The following CAPZB variants were observed in gnomAD, a reference collection of about 807,000 sequenced individuals.
CAPZB encodes F-actin-capping protein subunit beta.
CAPZB carries 2 observed loss-of-function variants against 38.1 expected under a neutral mutation model. That is an observed-to-expected ratio of 0.05 (90% CI 0.02 to 0.17). The LOEUF is 0.17. CAPZB is among the 10% of genes least tolerant of loss of function. CAPZB has a pLI of 1.00. For synonymous variants in CAPZB, 107 were observed against 127.4 expected (o/e 0.84, Z 1.08); for missense variants, 161 against 334.2 (o/e 0.48, Z 4.04).
At chr1:19,375,309 G>A (rs932380724) in intron 4 of CAPZB, among the ~76,000 whole-genome samples, 2 of 152,212 alleles carry the variant, frequency 1.3e-5, no homozygotes, top group African/African-American at 2.4e-5. Context: ...AGCACACTCC[G>A]ATGGCACTGG....
chr1:19,339,603 A>T lies in CAPZB; in HGVS notation c.746T>A (p.Phe249Tyr), dbSNP rs189360219. ...IVNGLRSVQT[F>Y]ADKSKQEALK... ...AGCTTCTTGTTTTGATTTGTCTGCAAAAGTCTGCACAGACCTGCAAGGGAG... is the reference window on the plus strand; with the variant it reads ...AGCTTCTTGTTTTGATTTGTCTGCATAAGTCTGCACAGACCTGCAAGGGAG... Residue 249 changes from phenylalanine to tyrosine, a missense_variant, in exon 9 of 9, where the codon TTT (phenylalanine) becomes TAT (tyrosine). By Grantham distance (22) the Phe-to-Tyr change is conservative. Coordinates refer to ENST00000264202, the MANE Select transcript of CAPZB (RefSeq NM_004930.5). 2 of 1,613,828 alleles carry T rather than the reference A, an allele frequency of 1.2e-6. No homozygotes were observed.
intron 2 of CAPZB, among the ~76,000 whole-genome samples, chr1:19,412,017 C>T (rs1207120496): frequency 6.6e-6 from 1 of 152,232 alleles, no homozygotes; most frequent in Non-Finnish European, 1.5e-5. Flanking sequence ...TCAGTCCCCA[C>T]AGCTGCCGCC....
chr1:19,343,132 G>T lies in CAPZB; in HGVS notation c.731+1226C>A, dbSNP rs994172611. Among the ~76,000 whole-genome samples the T allele has an allele frequency of 3.3e-5, 5 of 152,316 alleles. No individual in the cohort carries two copies. The East Asian group carries it at 5.8e-4, about 18-fold the overall frequency. On this transcript the variant is annotated intron_variant, in intron 8 of 8. Coordinates refer to ENST00000264202, the MANE Select transcript of CAPZB (RefSeq NM_004930.5). ...CCAGCCACTGCCTGGGGACTGTGCA[G>T]GTTGGCTGGGCGGGAAAGTGTGTTT...
chr1:19,466,539 A>T lies in CAPZB; in HGVS notation c.3+18897T>A, dbSNP rs577457894. On this transcript the variant is annotated intron_variant, in intron 1 of 8. Transcript: ENST00000264202. ...ACTGAATGGCATCCTGCAGTCACTC[A>T]AAACGTGTGAGCCTGGAGGGACCCT... 3.9e-5 allele frequency among the ~76,000 whole-genome samples: 6 copies of T among 152,324 alleles called. No homozygotes were observed. In the South Asian group the frequency reaches 1.2e-3, roughly 32 times the overall value.
chr1:19,443,308 A>ATC (rs1383986450), intron 1 of CAPZB, among the ~76,000 whole-genome samples: 1 of 152,114 alleles, frequency 6.6e-6, no homozygotes, highest in East Asian at 1.9e-4. Flanking sequence ...AGGCAGAAGG[A>ATC]TCACCTGAGC....
chr1:19,405,687 G>C (rs534227691), intron 2 of CAPZB, among the ~76,000 whole-genome samples: 74 of 152,174 alleles, frequency 4.9e-4, no homozygotes, highest in Non-Finnish European at 7.9e-4. Flanking sequence ...ATATATTCCA[G>C]AAAGAGGGAG....
chr1:19,358,717 C>T (rs1033095386), intron 4 of CAPZB, among the ~76,000 whole-genome samples: 6 of 152,238 alleles, frequency 3.9e-5, no homozygotes, highest in African/African-American at 1.2e-4. Context: ...CCAATTAAGC[C>T]CCAAAGAGAG....
intron 1 of CAPZB, among the ~76,000 whole-genome samples, chr1:19,480,350 G>A (rs76179257): frequency 0.029 from 4,370 of 152,220 alleles, 83 homozygotes; most frequent in Non-Finnish European, 0.044. Context: ...ATCCTCATGC[G>A]ACGGAACAGG....
chr1:19,342,912 G>C, intron 8 of CAPZB: 1 of 1,154,490 alleles, frequency 8.7e-7, no homozygotes. Context: ...AGAGAACGAC[G>C]AGAAGCCAGG....
intron 6 of CAPZB, among the ~76,000 whole-genome samples, chr1:19,353,930 C>T (rs214340): frequency 0.28 from 42,309 of 152,168 alleles, 6,180 homozygotes; most frequent in South Asian, 0.32. Flanking sequence ...AGGTCCACTG[C>T]AGCTGCTCAT....
At chr1:19,353,806 G>A (rs1267709717) in intron 6 of CAPZB, among the ~76,000 whole-genome samples, 1 of 152,238 alleles carries the variant, frequency 6.6e-6, no homozygotes, top group Middle Eastern at 3.2e-3. Flanking sequence ...AGGCACACCT[G>A]CGGGAGGGGC....
At chr1:19,460,590 T>A (rs1282158573) in intron 1 of CAPZB, among the ~76,000 whole-genome samples, 1 of 147,290 alleles carries the variant, frequency 6.8e-6, no homozygotes, top group Non-Finnish European at 1.5e-5. Flanking sequence ...TTTTTTTTTT[T>A]TTTTTTTGTA....
intron 6 of CAPZB, among the ~76,000 whole-genome samples, chr1:19,348,129 A>G (rs1212370434): frequency 6.6e-6 from 1 of 152,218 alleles, no homozygotes; most frequent in Admixed American, 6.5e-5. Flanking sequence ...GATAAGGGGC[A>G]GCATTCCCAC....
Position 19,345,190 on chromosome 1 carries a change from T to C in CAPZB, c.651A>G (p.Val217=), listed in dbSNP as rs11555669. 6.2e-7 allele frequency: 1 copy of C among 1,613,676 alleles called. No homozygotes were observed. The highest frequency in any genetic ancestry group is 1.3e-5 in the African/African-American group (1 of 75,040). Reference sequence around the variant, plus strand: ...AGCCAGAGCCCAGGTCACTCACCTCTACCAGGCGCCCGATGTTGGCTATGT... The same window carrying C: ...AGCCAGAGCCCAGGTCACTCACCTCCACCAGGCGCCCGATGTTGGCTATGT... ...SPHIANIGRL[V]EDMENKIRST... is the part of the protein sequence containing the mutation. Residue 217 remains valine, a synonymous_variant, in exon 7 of 9, where the codon GTA becomes GTG. Coordinates refer to ENST00000264202, the MANE Select transcript of CAPZB (RefSeq NM_004930.5).
intron 1 of CAPZB, among the ~76,000 whole-genome samples, chr1:19,454,845 T>C (rs1433075106): frequency 6.6e-6 from 1 of 152,246 alleles, no homozygotes; most frequent in Non-Finnish European, 1.5e-5. Flanking sequence ...TACTGTTCCG[T>C]TCATCTAAAT....
intron 1 of CAPZB, among the ~76,000 whole-genome samples, chr1:19,435,059 T>C (rs925501637): frequency 1.8e-4 from 26 of 141,604 alleles, no homozygotes; most frequent in African/African-American, 6.0e-4. Context: ...CTCTCACTTA[T>C]GTAAGTTAAC....
At chr1:19,360,639 C>T (rs2094047924) in intron 4 of CAPZB, among the ~76,000 whole-genome samples, 1 of 152,234 alleles carries the variant, frequency 6.6e-6, no homozygotes, top group South Asian at 2.1e-4. Context: ...CGGCTGCTTC[C>T]CCTCAGTCCC....
chr1:19,397,010 C>A (rs891572758), intron 2 of CAPZB, among the ~76,000 whole-genome samples: 1 of 151,962 alleles, frequency 6.6e-6, no homozygotes, highest in Non-Finnish European at 1.5e-5. Flanking sequence ...CACCTGAAAT[C>A]TTTTTGGGAA....
At chr1:19,395,502 G>GA (rs2094262331) in intron 2 of CAPZB, among the ~76,000 whole-genome samples, 1 of 152,180 alleles carries the variant, frequency 6.6e-6, no homozygotes, top group Admixed American at 6.5e-5. Context: ...TCACAGCCTG[G>GA]AAGGGGCCAC....
Sources: allele counts gnomAD v4.1 joint callset (sites outside exome capture counted in the v4.1 genomes callset), GRCh38; gene constraint gnomAD v4.1.1; transcripts MANE v1.5; gene names NCBI Gene and HGNC (gene_info 2026-07-23, HGNC 2026-07-21).